PIK3R4: variants seen among roughly 807,000 people sequenced by gnomAD.
PIK3R4 encodes the protein phosphoinositide 3-kinase regulatory subunit 4.
A neutral mutation model predicts 136.5 loss-of-function variants in PIK3R4; 46 were observed. The observed-to-expected ratio is 0.34, with a 90% CI of 0.27 to 0.43. The LOEUF (loss-of-function observed/expected upper bound fraction) is 0.43. Ranked by LOEUF, PIK3R4 falls within the 20% of genes least tolerant of loss-of-function variation. The pLI, the probability that PIK3R4 is intolerant of heterozygous loss-of-function variation, is 1.00. For synonymous variants in PIK3R4, 557 were observed against 566.7 expected, an observed-to-expected ratio of 0.98 and a Z score of 0.24; for missense variants, 1,331 against 1,649.5, an observed-to-expected ratio of 0.81 and a Z score of 3.35.
intron 12 of PIK3R4, 110 bp from the exon 13 acceptor site, chr3:130,703,998 A>G (rs1167528025): frequency 5.7e-6 from 4 of 702,866 alleles, no homozygotes; most frequent in Non-Finnish European, 9.7e-6. Flanking sequence ...CATAAGAACT[A>G]AAATATTTGA....
At chr3:130,702,643 C>T (rs2066581426) in intron 13 of PIK3R4, among the ~76,000 whole-genome samples, 1 of 151,598 alleles carries the variant, frequency 6.6e-6, no homozygotes, top group African/African-American at 2.4e-5. Flanking sequence ...CCAAACTAGG[C>T]AAAGAACAAA....
chr3:130,681,336 C>T (rs775714290), intron 17 of PIK3R4, among the ~76,000 whole-genome samples, 155 bp downstream of exon 17: 1 of 152,188 alleles, frequency 6.6e-6, no homozygotes, highest in Non-Finnish European at 1.5e-5. Flanking sequence ...AGGAAACACT[C>T]ATGTAGCAAT....
intron 13 of PIK3R4, 111 bp from the exon 14 acceptor site, chr3:130,690,765 C>G: frequency 1.6e-6 from 1 of 622,264 alleles, no homozygotes; most frequent in Non-Finnish European, 2.7e-6. Flanking sequence ...ATTTAATCTC[C>G]CTGATCTCAG....
At position 130,718,392 on chromosome 3, in the gene PIK3R4, T is replaced by C; in HGVS notation, c.2124A>G (p.Ile708Met). ...CTCCAACTTGGAACATGTATACCTG[T>C]ATTATTGGTTGGGTAATATATGGGT... Reference protein sequence around the residue: ...YLDPYITQPIIQIERKLVLLS... With the variant: ...YLDPYITQPIMQIERKLVLLS... Residue 708 changes from isoleucine (I) to methionine (M), a missense_variant, in exon 8 of 20, where the codon ATA becomes ATG. By Grantham distance (10) the Ile-to-Met change is conservative. Coordinates refer to ENST00000356763, the MANE Select transcript of PIK3R4 (RefSeq NM_014602.3). 6.2e-7 allele frequency: 1 copy of C among 1,613,480 alleles called. No individual in the cohort carries two copies. The highest frequency in any genetic ancestry group is 8.5e-7 in the Non-Finnish European group (1 of 1,179,472).
chr3:130,718,125 TATA>T (rs746934270), intron 8 of PIK3R4, among the ~76,000 whole-genome samples: 1 of 152,202 alleles, frequency 6.6e-6, no homozygotes, highest in East Asian at 1.9e-4. Context: ...ACAGTTGCTT[TATA>T]ATATTACACA....
At chr3:130,704,114 GGCA>G in intron 12 of PIK3R4, among the ~76,000 whole-genome samples, 1 of 152,236 alleles carries the variant, frequency 6.6e-6, no homozygotes, top group South Asian at 2.1e-4. Context: ...GCTTCAGAAA[GGCA>G]GCCCCTGGGG....
At chr3:130,698,981 C>CA (rs2066561786) in intron 13 of PIK3R4, among the ~76,000 whole-genome samples, 2 of 152,200 alleles carry the variant, frequency 1.3e-5, no homozygotes, top group Admixed American at 1.3e-4. Flanking sequence ...AACACTCCAT[C>CA]AAGCATTTTA....
chr3:130,744,184 T>G (rs1324516951), intron 2 of PIK3R4, among the ~76,000 whole-genome samples: 1 of 152,184 alleles, frequency 6.6e-6, no homozygotes, highest in African/African-American at 2.4e-5. Context: ...CACTTTAAAA[T>G]GGAAGCATTA....
intron 7 of PIK3R4, among the ~76,000 whole-genome samples, chr3:130,721,553 C>T (rs1392921795): frequency 6.6e-6 from 1 of 152,080 alleles, no homozygotes; most frequent in African/African-American, 2.4e-5. Flanking sequence ...AAATACTACT[C>T]AGCACTAAAA....
At chr3:130,681,212 T>C (rs1360277811) in intron 17 of PIK3R4, 147 bp from the exon 18 acceptor site, 2 of 658,490 alleles carry the variant, frequency 3.0e-6, no homozygotes, top group Non-Finnish European at 5.5e-6. Context: ...GTATGCCCTA[T>C]CTACTTCAAT....
At chr3:130,741,200 G>C (rs1488698938) in intron 2 of PIK3R4, among the ~76,000 whole-genome samples, 1 of 152,042 alleles carries the variant, frequency 6.6e-6, no homozygotes, top group African/African-American at 2.4e-5. Context: ...AGGTAATAAG[G>C]GTGTGCCCTT....
In PIK3R4 at chr3:130,684,264, G is replaced by A. The variant is rs1255066900; in HGVS notation, c.3593C>T (p.Ser1198Phe). 6.2e-7 allele frequency: 1 copy of A among 1,613,256 alleles called. No homozygotes were observed. Among genetic ancestry groups the A allele is most frequent in the Non-Finnish European group, 8.5e-7 (1 of 1,179,362 alleles). ...RRLSMHPLYQ[S>F]WVIAAVQGNN... ...CTCCATCTTACCTGCAATCACCCAGGACTGATACAGAGGGTGCATTGAGAG... is the reference window on the plus strand; with the variant it reads ...CTCCATCTTACCTGCAATCACCCAGAACTGATACAGAGGGTGCATTGAGAG... The change falls in exon 16 of 20, where the codon TCC becomes TTC. Residue 1198 changes from serine (S) to phenylalanine (F), a missense_variant. By Grantham distance (155) the Ser-to-Phe change is radical. Coordinates refer to ENST00000356763, the MANE Select transcript of PIK3R4 (RefSeq NM_014602.3).
At chr3:130,705,854 T>C (rs2066603573) in intron 11 of PIK3R4, 83 bp from the exon 12 acceptor site, 1 of 728,422 alleles carries the variant, frequency 1.4e-6, no homozygotes, top group South Asian at 1.9e-5. Context: ...TTTTTATCTA[T>C]AAATTATAAC....
chr3:130,697,623 C>T (rs1553727667), intron 13 of PIK3R4, among the ~76,000 whole-genome samples: 2 of 152,054 alleles, frequency 1.3e-5, no homozygotes, highest in Non-Finnish European at 2.9e-5. Context: ...AAACTTTGCT[C>T]TAATATGTCT....
At chr3:130,710,357 G>C (rs749871971) in intron 9 of PIK3R4, among the ~76,000 whole-genome samples, 2 of 151,822 alleles carry the variant, frequency 1.3e-5, no homozygotes, top group African/African-American at 4.8e-5. Context: ...TAATAATCTC[G>C]ATAAAAGACA....
At chr3:130,737,249 G>A (rs1360710360) in intron 2 of PIK3R4, among the ~76,000 whole-genome samples, 3 of 152,074 alleles carry the variant, frequency 2.0e-5, no homozygotes, top group South Asian at 2.1e-4. Flanking sequence ...ACCCCTCACC[G>A]GACACATTCC....
At chr3:130,712,593 G>A (rs755858262) in intron 9 of PIK3R4, among the ~76,000 whole-genome samples, 5 of 148,316 alleles carry the variant, frequency 3.4e-5, no homozygotes, top group Admixed American at 6.7e-5. Flanking sequence ...GCTTGAAACC[G>A]GGAGGCGGAG....
chr3:130,684,502 T>A (rs550035057), intron 15 of PIK3R4, 121 bp from the exon 16 acceptor site: 18 of 900,700 alleles, frequency 2.0e-5, no homozygotes, highest in Non-Finnish European at 3.0e-5. Flanking sequence ...CCTTCGTTAC[T>A]TAAAAAAAAG....
At chr3:130,701,340 CCT>C (rs2066573066) in intron 13 of PIK3R4, among the ~76,000 whole-genome samples, 1 of 151,856 alleles carries the variant, frequency 6.6e-6, no homozygotes, top group Non-Finnish European at 1.5e-5. Flanking sequence ...TGGCAAAACC[CCT>C]CTCTGCTAAA....
Sources: allele counts gnomAD v4.1 joint callset (sites outside exome capture counted in the v4.1 genomes callset), GRCh38; gene constraint gnomAD v4.1.1; transcripts MANE v1.5; gene names NCBI Gene and HGNC (gene_info 2026-07-23, HGNC 2026-07-21).